FOXE1: variants seen among roughly 807,000 people sequenced by gnomAD.
FOXE1 encodes the protein forkhead box E1.
A neutral mutation model predicts 2.1 loss-of-function variants in FOXE1; 4 were observed. That is an observed-to-expected ratio of 1.91 (90% CI 0.94 to 4.37). The LOEUF is 4.37. Among genes scored for constraint, FOXE1 ranks in the 30% most tolerant of loss-of-function variants. The pLI is 0.01. For missense variants in FOXE1, 574 were observed against 583.3 expected, an observed-to-expected ratio of 0.98 and a Z score of 0.16; for synonymous variants, 277 against 272.4, an observed-to-expected ratio of 1.02 and a Z score of -0.17.
rs1830671022 is a variant in FOXE1, at chr9:97,856,410, G to A, written c.*1374G>A. The A allele has an allele frequency of 2.4e-5, 4 of 167,056 alleles. No homozygotes were observed. In the Admixed American group the frequency reaches 2.6e-4, roughly 11 times the overall value. The allele number at this position is 167,056 out of a possible 1,614,324, so 10.3% of individuals were successfully genotyped here. Reference sequence around the variant, plus strand: ...TCACAGCTTTCAGATAAACTGGAGTGTTCAGATGGACTGTTTTAATAAAAA... The same window carrying A: ...TCACAGCTTTCAGATAAACTGGAGTATTCAGATGGACTGTTTTAATAAAAA... On this transcript the variant is annotated 3_prime_UTR_variant, in exon 1 of 1. Coordinates refer to ENST00000375123, the MANE Select transcript of FOXE1 (RefSeq NM_004473.4).
At position 97,853,654 on chromosome 9, in the gene FOXE1, C is replaced by A; in HGVS notation, c.-261C>A. The A allele has an allele frequency of 2.8e-6, 1 of 354,546 alleles. No individual in the cohort carries two copies. Among genetic ancestry groups the A allele is most frequent in the Non-Finnish European group, 5.0e-6 (1 of 198,888 alleles). 22.0% of individuals were successfully genotyped at this position (354,546 alleles called of 1,614,324 possible). ...GTCACGAGGCCACCGCCGCTGCCCG[C>A]CTCGAGAAGCACCACGCGGGCTGAG... On this transcript the variant is annotated 5_prime_UTR_variant, in exon 1 of 1. Coordinates refer to ENST00000375123, the MANE Select transcript of FOXE1 (RefSeq NM_004473.4).
chr9:97,855,153 C>G lies in FOXE1; in HGVS notation c.*117C>G. ...TGGGACCCACGTGGAAAAGACCGAGCAGGCCACAGAGGCTCGGTCTCCCCG... is the reference window on the plus strand; with the variant it reads ...TGGGACCCACGTGGAAAAGACCGAGGAGGCCACAGAGGCTCGGTCTCCCCG... On this transcript the variant is annotated 3_prime_UTR_variant, in exon 1 of 1. Transcript: ENST00000375123. 1.5e-6 allele frequency: 2 copies of G among 1,316,260 alleles called. No homozygotes were observed. The highest frequency in any genetic ancestry group is 2.0e-5 in the Admixed American group (1 of 50,892). 81.5% of individuals were successfully genotyped at this position (1,316,260 alleles called of 1,614,324 possible). A position where few individuals can be genotyped will look rare whatever the true frequency, so the allele number is the denominator to read the frequency against.
At position 97,854,366 on chromosome 9, in the gene FOXE1, G is replaced by T. The variant is rs770535939; in HGVS notation, c.452G>T (p.Arg151Leu). 1.3e-6 allele frequency: 2 copies of T among 1,584,998 alleles called. No individual in the cohort carries two copies. Among genetic ancestry groups the T allele is most frequent in the South Asian group, 1.1e-5 (1 of 88,434 alleles). ...CTGCGCCGCCGCAAGCGCTTCAAGC[G>T]CTCGGACCTCTCCACCTACCCGGCT... Reference protein sequence around the residue: ...SFLRRRKRFKRSDLSTYPAYM... With the variant: ...SFLRRRKRFKLSDLSTYPAYM... Residue 151 changes from arginine (R) to leucine (L), a missense_variant, in exon 1 of 1, where the codon CGC becomes CTC. By Grantham distance (102) the Arg-to-Leu change is moderately radical. This residue lies in a region of FOXE1 where 249 missense variants were observed against 269.6 expected (regional missense o/e 0.92). Transcript: ENST00000375123.
rs758723116 is a variant in FOXE1 at position 97,854,258 on chromosome 9, C to G, written c.344C>G (p.Pro115Arg). 6.2e-7 allele frequency: 1 copy of G among 1,612,958 alleles called. No individual in the cohort carries two copies. Among genetic ancestry groups the G allele is most frequent in the South Asian group, 1.1e-5 (1 of 91,036 alleles). The change falls in exon 1 of 1, where the codon CCG (proline) becomes CGG (arginine). Residue 115 changes from proline (P) to arginine (R), a missense_variant. This residue lies in a region of FOXE1 where 249 missense variants were observed against 269.6 expected (regional missense o/e 0.92). Coordinates refer to ENST00000375123, the MANE Select transcript of FOXE1 (RefSeq NM_004473.4). ...LTLNDCFLKI[P>R]REAGRPGKGN... The stretch of plus-strand genomic sequence containing the variant: ...CTCAACGACTGCTTCCTCAAGATCC[C>G]GCGCGAGGCCGGCCGCCCGGGTAAG...
At position 97,855,400 on chromosome 9, in the gene FOXE1, A is replaced by G. The variant is rs977480158; in HGVS notation, c.*364A>G. 1 of 362,224 alleles carries G rather than the reference A, an allele frequency of 2.8e-6. No individual in the cohort carries two copies. Among genetic ancestry groups the G allele is most frequent in the African/African-American group, 2.1e-5 (1 of 48,338 alleles). The allele number at this position is 362,224 out of a possible 1,614,324, so 22.4% of individuals were successfully genotyped here. A position where few individuals can be genotyped will look rare whatever the true frequency, so the allele number is the denominator to read the frequency against. On this transcript the variant is annotated 3_prime_UTR_variant, in exon 1 of 1. Transcript: ENST00000375123. ...TGTGGGGAATCAGTTTCAGCCTTCC[A>G]TGTGCTGCCGGAACTCGGGCCTTTT... is the stretch of plus-strand genomic sequence containing the variant.
Position 97,854,842 on chromosome 9 carries a change from C to A in FOXE1, c.928C>A (p.Pro310Thr). The change falls in exon 1 of 1, where the codon CCA (proline) becomes ACA (threonine). Residue 310 changes from proline to threonine, a missense_variant. Physicochemically the swap from Pro to Thr is conservative, Grantham distance 38. Coordinates refer to ENST00000375123, the MANE Select transcript of FOXE1 (RefSeq NM_004473.4). ...CCGCCTGGCGGGACCCGCTTCGCCC[C>A]CAGCGGGCGGCAGCAGTGGCGGCGT... ...AGRLAGPASP[P>T]AGGSSGGVET... 6.5e-7 allele frequency: 1 copy of A among 1,547,492 alleles called. No homozygotes were observed. Among genetic ancestry groups the A allele is most frequent in the South Asian group, 1.2e-5 (1 of 85,336 alleles).
chr9:97,853,754 G>C lies in FOXE1; in HGVS notation c.-161G>C. On this transcript the variant is annotated 5_prime_UTR_variant, in exon 1 of 1. Coordinates refer to ENST00000375123, the MANE Select transcript of FOXE1 (RefSeq NM_004473.4). Reference sequence around the variant, plus strand: ...CCAGACCACGGACGCTGAGCCTCCAGCGCGTGCCAGCCTGGGCCGCTGGGC... The same window carrying C: ...CCAGACCACGGACGCTGAGCCTCCACCGCGTGCCAGCCTGGGCCGCTGGGC... The C allele has an allele frequency of 1.9e-6, 1 of 538,434 alleles. No individual in the cohort carries two copies. The highest frequency in any genetic ancestry group is 3.9e-5 in the East Asian group (1 of 25,718). The allele number at this position is 538,434 out of a possible 1,614,324, so 33.4% of individuals were successfully genotyped here. A position where few individuals can be genotyped will look rare whatever the true frequency, so the allele number is the denominator to read the frequency against.
chr9:97,854,519 C>A lies in FOXE1; in HGVS notation c.605C>A (p.Pro202Gln). 8.0e-7 allele frequency: 1 copy of A among 1,252,110 alleles called. No homozygotes were observed. Among genetic ancestry groups the A allele is most frequent in the East Asian group, 3.3e-5 (1 of 30,356 alleles). 77.6% of individuals were successfully genotyped at this position (1,252,110 alleles called of 1,614,324 possible). The change falls in exon 1 of 1, where the codon CCG becomes CAG. Residue 202 changes from proline (P) to glutamine (Q), a missense_variant. This residue lies in a region of FOXE1 where 316 missense variants were observed against 288.4 expected (regional missense o/e 1.10). Coordinates refer to ENST00000375123, the MANE Select transcript of FOXE1 (RefSeq NM_004473.4). ...YPGAVYAGYA[P>Q]PSLAAPPPVY... The stretch of plus-strand genomic sequence containing the variant: ...GGCGCCGTCTATGCAGGCTACGCGC[C>A]GCCGTCGCTGGCCGCGCCGCCTCCA...
Position 97,854,646 on chromosome 9 carries a change from C to A in FOXE1, c.732C>A (p.Gly244=), listed in dbSNP as rs1397812544. The A allele has an allele frequency of 2.2e-6, 3 of 1,394,908 alleles. No individual in the cohort carries two copies. The highest frequency in any genetic ancestry group is 3.1e-5 in the East Asian group (1 of 32,668). 86.4% of individuals were successfully genotyped at this position (1,394,908 alleles called of 1,614,324 possible). ...PELGPAPSGP[G]GSCAFASAGA... ...TGGGGCCCGCACCGTCGGGGCCCGG[C>A]GGCTCTTGCGCCTTTGCCTCCGCCG... The change falls in exon 1 of 1, where the codon GGC becomes GGA. Residue 244 remains glycine (G), a synonymous_variant. Coordinates refer to ENST00000375123, the MANE Select transcript of FOXE1 (RefSeq NM_004473.4).
rs200556187 is a variant in FOXE1, at chr9:97,855,001, C to G, written c.1087C>G (p.Pro363Ala). Residue 363 changes from proline to alanine, a missense_variant, in exon 1 of 1, where the codon CCC (proline) becomes GCC (alanine). Pro to Ala is a conservative substitution (Grantham distance 27). Around this residue, in one of 3 missense-constraint regions of FOXE1, gnomAD observed 316 missense variants for 288.4 expected, o/e 1.10. Transcript: ENST00000375123. ...AYHARHAAAY[P>A]GGIDRFVSAM ...CCATGCTCGCCATGCTGCCGCTTATCCCGGTGGGATAGATCGGTTCGTGTC... is the reference window on the plus strand; with the variant it reads ...CCATGCTCGCCATGCTGCCGCTTATGCCGGTGGGATAGATCGGTTCGTGTC... The G allele has an allele frequency of 1.7e-4, 279 of 1,609,574 alleles. No individual in the cohort carries two copies. The highest frequency in any genetic ancestry group is 2.7e-4 in the Admixed American group (16 of 60,006).
chr9:97,853,906 G>A lies in FOXE1; in HGVS notation c.-9G>A. 1 of 1,274,654 alleles carries A rather than the reference G, an allele frequency of 7.8e-7. No individual in the cohort carries two copies. The highest frequency in any genetic ancestry group is 9.8e-7 in the Non-Finnish European group (1 of 1,016,126). 79.0% of individuals were successfully genotyped at this position (1,274,654 alleles called of 1,614,324 possible). ...GATCCAGAGCCCGGGGGTGCGGGAC[G>A]CCCGCGCCATGACTGCCGAGAGCGG... On this transcript the variant is annotated 5_prime_UTR_variant, in exon 1 of 1. Transcript: ENST00000375123.
chr9:97,853,922 C>T lies in FOXE1; in HGVS notation c.8C>T (p.Ala3Val). Residue 3 changes from alanine (A) to valine (V), a missense_variant, in exon 1 of 1, where the codon GCC becomes GTC. Physicochemically the swap from Ala to Val is moderately conservative, Grantham distance 64. Transcript: ENST00000375123. MTAESGPPPPQPE... is the reference protein window; with the variant it reads MTVESGPPPPQPE... ...GTGCGGGACGCCCGCGCCATGACTG[C>T]CGAGAGCGGGCCGCCGCCGCCGCAG... 7.7e-7 allele frequency: 1 copy of T among 1,296,370 alleles called. No homozygotes were observed. The highest frequency in any genetic ancestry group is 9.7e-7 in the Non-Finnish European group (1 of 1,028,846). 80.3% of individuals were successfully genotyped at this position (1,296,370 alleles called of 1,614,324 possible).
At position 97,855,442 on chromosome 9, in the gene FOXE1, T is replaced by C. The variant is rs1830660369; in HGVS notation, c.*406T>C. ...GGGCCTTTTTACGCGGTTCGTCCTC[T>C]AGTGCCTTTAACTGCGTTACTACAA... On this transcript the variant is annotated 3_prime_UTR_variant, in exon 1 of 1. Coordinates refer to ENST00000375123, the MANE Select transcript of FOXE1 (RefSeq NM_004473.4). 3 of 290,316 alleles carry C rather than the reference T, an allele frequency of 1.0e-5. No individual in the cohort carries two copies. Among genetic ancestry groups the C allele is most frequent in the Non-Finnish European group, 2.1e-5 (3 of 142,518 alleles). 18.0% of individuals were successfully genotyped at this position (290,316 alleles called of 1,614,324 possible). A position where few individuals can be genotyped will look rare whatever the true frequency, so the allele number is the denominator to read the frequency against.
Position 97,854,497 on chromosome 9 carries a change from G to A in FOXE1, c.583G>A (p.Ala195Thr), listed in dbSNP as rs1830639341. The change falls in exon 1 of 1, where the codon GCC becomes ACC. Residue 195 changes from alanine (A) to threonine (T), a missense_variant. Around this residue, in one of 3 missense-constraint regions of FOXE1, gnomAD observed 316 missense variants for 288.4 expected, o/e 1.10. Coordinates refer to ENST00000375123, the MANE Select transcript of FOXE1 (RefSeq NM_004473.4). ...VPAARPPYPGAVYAGYAPPSL... is the reference protein window; with the variant it reads ...VPAARPPYPGTVYAGYAPPSL... ...CGCCGCGCGCCCCCCCTACCCGGGC[G>A]CCGTCTATGCAGGCTACGCGCCGCC... 2 of 1,228,522 alleles carry A rather than the reference G, an allele frequency of 1.6e-6. No homozygotes were observed. The highest frequency in any genetic ancestry group is 2.0e-6 in the Non-Finnish European group (2 of 988,592). 76.1% of individuals were successfully genotyped at this position (1,228,522 alleles called of 1,614,324 possible).
Position 97,854,379 on chromosome 9 carries a change from C to T in FOXE1, c.465C>T (p.Ser155=), listed in dbSNP as rs1830634679. The change falls in exon 1 of 1, where the codon TCC becomes TCT. Residue 155 remains serine, a synonymous_variant. Transcript: ENST00000375123. ...RRKRFKRSDL[S]TYPAYMHDAA... ...AGCGCTTCAAGCGCTCGGACCTCTC[C>T]ACCTACCCGGCTTACATGCACGACG... 2 of 1,525,756 alleles carry T rather than the reference C, an allele frequency of 1.3e-6. No individual in the cohort carries two copies. The allele number at this position is 1,525,756 out of a possible 1,614,324, so 94.5% of individuals were successfully genotyped here.
Position 97,855,268 on chromosome 9 carries a change from T to G in FOXE1, c.*232T>G. 1 of 632,102 alleles carries G rather than the reference T, an allele frequency of 1.6e-6. No individual in the cohort carries two copies. The highest frequency in any genetic ancestry group is 2.8e-5 in the East Asian group (1 of 35,964). 39.2% of individuals were successfully genotyped at this position (632,102 alleles called of 1,614,324 possible). A position where few individuals can be genotyped will look rare whatever the true frequency, so the allele number is the denominator to read the frequency against. ...CTTGGACTGGCACAGGGACCCTCGATGGAGCGAAGCCCTCAAACGGGATGC... is the reference window on the plus strand; with the variant it reads ...CTTGGACTGGCACAGGGACCCTCGAGGGAGCGAAGCCCTCAAACGGGATGC... On this transcript the variant is annotated 3_prime_UTR_variant, in exon 1 of 1. Transcript: ENST00000375123.
At position 97,854,786 on chromosome 9, in the gene FOXE1, G is replaced by T. The variant is rs1045902549; in HGVS notation, c.872G>T (p.Gly291Val). 4.6e-6 allele frequency: 7 copies of T among 1,523,396 alleles called. No individual in the cohort carries two copies. The South Asian group carries it at 8.5e-5, about 18-fold the overall frequency. 94.4% of individuals were successfully genotyped at this position (1,523,396 alleles called of 1,614,324 possible). A position where few individuals can be genotyped will look rare whatever the true frequency, so the allele number is the denominator to read the frequency against. ...GGCCCCGACGGCGCGTACCCGCAGGGCGCCGGCAGTGCGATCTTTGCCGCT... is the reference window on the plus strand; with the variant it reads ...GGCCCCGACGGCGCGTACCCGCAGGTCGCCGGCAGTGCGATCTTTGCCGCT... Reference protein sequence around the residue: ...YAGPDGAYPQGAGSAIFAAAG... With the variant: ...YAGPDGAYPQVAGSAIFAAAG... The change falls in exon 1 of 1, where the codon GGC becomes GTC. Residue 291 changes from glycine to valine, a missense_variant. Physicochemically the swap from Gly to Val is moderately radical, Grantham distance 109. This residue lies in a region of FOXE1 where 316 missense variants were observed against 288.4 expected (regional missense o/e 1.10). Transcript: ENST00000375123.
Position 97,855,216 on chromosome 9 carries a change from A to G in FOXE1, c.*180A>G, listed in dbSNP as rs1356749488. On this transcript the variant is annotated 3_prime_UTR_variant, in exon 1 of 1. Transcript: ENST00000375123. ...GCACCCGGTGTACTCTGTAAACGGG[A>G]GGAGGTGGGGCGAGGCAGCCAGAGC... 10 of 801,234 alleles carry G rather than the reference A, an allele frequency of 1.2e-5. No individual in the cohort carries two copies. The Admixed American group carries it at 2.1e-4, about 17-fold the overall frequency. 49.6% of individuals were successfully genotyped at this position (801,234 alleles called of 1,614,324 possible). A position where few individuals can be genotyped will look rare whatever the true frequency, so the allele number is the denominator to read the frequency against.
rs1268139421 is a variant in FOXE1, at chr9:97,856,206, G to C, written c.*1170G>C. On this transcript the variant is annotated 3_prime_UTR_variant, in exon 1 of 1. Transcript: ENST00000375123. Reference sequence around the variant, plus strand: ...GAAAGAGAAAAATTAAGTTAGGGCAGTCAGTAAAGTGAGCTTTAGAAAGAA... The same window carrying C: ...GAAAGAGAAAAATTAAGTTAGGGCACTCAGTAAAGTGAGCTTTAGAAAGAA... 1 of 167,016 alleles carries C rather than the reference G, an allele frequency of 6.0e-6. No homozygotes were observed. The highest frequency in any genetic ancestry group is 1.9e-4 in the East Asian group (1 of 5,206). The allele number at this position is 167,016 out of a possible 1,614,324, so 10.3% of individuals were successfully genotyped here.
Sources: allele counts gnomAD v4.1 joint callset, GRCh38; gene constraint gnomAD v4.1.1; regional missense constraint gnomAD v4.1.1; transcripts MANE v1.5; gene names NCBI Gene and HGNC (gene_info 2026-07-23, HGNC 2026-07-21).